PPP2R3C: variants seen among roughly 807,000 people sequenced by gnomAD.
The protein encoded by PPP2R3C is protein phosphatase 2 regulatory subunit B''gamma.
A neutral mutation model predicts 63.7 loss-of-function variants in PPP2R3C; 47 were observed. The ratio of observed to expected loss-of-function variants is 0.74; its 90% CI spans 0.58 to 0.94. PPP2R3C has a LOEUF of 0.94. Among genes scored for constraint, PPP2R3C ranks in the 40% least tolerant of loss-of-function variants. The pLI, the probability that PPP2R3C is intolerant of heterozygous loss-of-function variation, is 0.00. For synonymous variants in PPP2R3C, 180 were observed against 177.4 expected (o/e 1.01, Z -0.12); for missense variants, 421 against 518.4 (o/e 0.81, Z 1.82).
chr14:35,107,672 TTCTGAGGTTA>T, intron 5 of PPP2R3C: 1 of 377,604 alleles, frequency 2.6e-6, no homozygotes, highest in Non-Finnish European at 4.7e-6. Flanking sequence ...CTGCTTTTAT[TTCTGAGGTTA>T]ATTACAGCAA....
chr14:35,092,671 G>A (rs981876087), intron 10 of PPP2R3C, among the ~76,000 whole-genome samples: 4 of 151,688 alleles, frequency 2.6e-5, no homozygotes, highest in Non-Finnish European at 5.9e-5. Context: ...TCTCCAAGTT[G>A]GTCAGGCTGG....
chr14:35,088,447 C>T (rs763449429), intron 11 of PPP2R3C, among the ~76,000 whole-genome samples: 3 of 152,078 alleles, frequency 2.0e-5, no homozygotes, highest in South Asian at 2.1e-4. Flanking sequence ...TTGCTTTCTA[C>T]GTAATACAAG....
Position 35,095,117 on chromosome 14 carries a change from TC to T in PPP2R3C, c.905del (p.Gly302GlufsTer5). 6.2e-7 allele frequency: 1 copy of T among 1,611,414 alleles called. No homozygotes were observed. Among genetic ancestry groups the T allele is most frequent in the Non-Finnish European group, 8.5e-7 (1 of 1,177,496 alleles). ...MLSKEELSRYGTATMTNVFLD... is the reference protein window; with the variant it reads ...MLSKEELSRYXTATMTNVFLD... Reference sequence around the variant, plus strand: ...AGAAGACATTGGTCATGGTAGCTGTTCCATAGCGTGAGAGTTCTTCTTTACT... The same window carrying T: ...AGAAGACATTGGTCATGGTAGCTGTTCATAGCGTGAGAGTTCTTCTTTACT... On this transcript the variant is annotated frameshift_variant, in exon 10 of 13. Transcript: ENST00000261475. LOFTEE classifies it high-confidence loss of function.
intron 11 of PPP2R3C, among the ~76,000 whole-genome samples, chr14:35,088,351 C>T (rs145167078): frequency 5.9e-5 from 9 of 152,286 alleles, no homozygotes; most frequent in African/African-American, 1.7e-4. Context: ...GTTTGATCTG[C>T]TCCTCTCATT....
intron 6 of PPP2R3C, among the ~76,000 whole-genome samples, chr14:35,107,057 A>G (rs9888561): frequency 0.11 from 16,067 of 152,202 alleles, 1,070 homozygotes; most frequent in African/African-American, 0.19. Flanking sequence ...GACATTCTCT[A>G]TTGTAATTTT....
At chr14:35,115,330 G>GT (rs139000164) in intron 2 of PPP2R3C, among the ~76,000 whole-genome samples, 3 of 150,474 alleles carry the variant, frequency 2.0e-5, no homozygotes, top group African/African-American at 7.3e-5. Context: ...GCCCGGCTAA[G>GT]TTTTTTTTGG....
intron 2 of PPP2R3C, 72 bp downstream of exon 2, chr14:35,116,538 A>G: frequency 7.8e-7 from 1 of 1,286,570 alleles, no homozygotes; most frequent in Non-Finnish European, 1.0e-6. Context: ...TACAGGTATG[A>G]GCCACCCTGC....
intron 10 of PPP2R3C, 112 bp downstream of exon 10, chr14:35,094,936 A>G: frequency 1.7e-6 from 2 of 1,188,762 alleles, no homozygotes; most frequent in Non-Finnish European, 2.3e-6. Flanking sequence ...CCTAGGCGAC[A>G]GAGCAAGACT....
intron 6 of PPP2R3C, 51 bp downstream of exon 6, chr14:35,107,253 C>T (rs1243489824): frequency 4.3e-6 from 6 of 1,386,324 alleles, no homozygotes; most frequent in Non-Finnish European, 5.1e-6. Flanking sequence ...CTACAGTTTA[C>T]ATTTTAGTGT....
At chr14:35,099,610 A>C in intron 6 of PPP2R3C, 1 of 435,856 alleles carries the variant, frequency 2.3e-6, no homozygotes, top group Non-Finnish European at 3.7e-6. Flanking sequence ...GGGAACAAAG[A>C]TATTGATTAA....
chr14:35,100,165 A>T (rs1281916782), intron 6 of PPP2R3C: 4 of 152,186 alleles, frequency 2.6e-5, no homozygotes, highest in Non-Finnish European at 4.4e-5. Flanking sequence ...ATAAATAGCT[A>T]TATATTATAT....
In PPP2R3C at chr14:35,110,092, AT is replaced by A; in HGVS notation, c.292-162del. The A allele has an allele frequency of 5.3e-6, 3 of 565,816 alleles. No homozygotes were observed. In the South Asian group the frequency reaches 7.5e-5, roughly 14 times the overall value. The allele number at this position is 565,816 out of a possible 1,614,324, so 35.0% of individuals were successfully genotyped here. A position where few individuals can be genotyped will look rare whatever the true frequency, so the allele number is the denominator to read the frequency against. On this transcript the variant is annotated intron_variant, in intron 3 of 12. Coordinates refer to ENST00000261475, the MANE Select transcript of PPP2R3C (RefSeq NM_017917.4). ...ATCCTTTTGATTACTAACAATAAAA[AT>A]AACATTTATTGAGTGCCTACTAAGC...
chr14:35,098,145 A>G (rs1023975916), intron 7 of PPP2R3C, among the ~76,000 whole-genome samples: 4 of 151,856 alleles, frequency 2.6e-5, no homozygotes, highest in South Asian at 2.1e-4. Context: ...AAACACTGTC[A>G]GCTACCATAT....
In PPP2R3C at chr14:35,109,947, G is replaced by A. The variant is rs1308569823; in HGVS notation, c.292-16C>T. Reference sequence around the variant, plus strand: ...ACCATAAGTTCTTAAGAGAATTGTGGAAGTGAAGATGTTGTAAGTTAAAAA... The same window carrying A: ...ACCATAAGTTCTTAAGAGAATTGTGAAAGTGAAGATGTTGTAAGTTAAAAA... On this transcript the variant is annotated splice_polypyrimidine_tract_variant and intron_variant, in intron 3 of 12. Transcript: ENST00000261475. 1.0e-5 allele frequency: 16 copies of A among 1,529,212 alleles called. No individual in the cohort carries two copies. The highest frequency in any genetic ancestry group is 1.4e-5 in the Non-Finnish European group (16 of 1,115,262). 94.7% of individuals were successfully genotyped at this position (1,529,212 alleles called of 1,614,324 possible).
rs376968701 is a variant in PPP2R3C, at chr14:35,087,977, C to G, written c.1147G>C (p.Asp383His). 5.6e-6 allele frequency: 9 copies of G among 1,599,624 alleles called. No homozygotes were observed. Among genetic ancestry groups the G allele is most frequent in the Non-Finnish European group, 7.7e-6 (9 of 1,166,966 alleles). ...IQELMKIHGQ[D>H]PVSFQDVKDE... ...TTGACATCTTGAAATGAAACAGGAT[C>G]TTGTCCATGGATTTTCATTAGTTCC... Residue 383 changes from aspartate to histidine, a missense_variant, in exon 12 of 13, where the codon GAT becomes CAT. By Grantham distance (81) the Asp-to-His change is moderately conservative (BLOSUM62 -1). Transcript: ENST00000261475.
intron 7 of PPP2R3C, among the ~76,000 whole-genome samples, chr14:35,097,421 A>G (rs2046033820): frequency 6.6e-6 from 1 of 151,962 alleles, no homozygotes; most frequent in Non-Finnish European, 1.5e-5. Context: ...TGGACTAGAA[A>G]GCAATACGCA....
chr14:35,112,728 C>CT (rs2046602874), intron 2 of PPP2R3C: 1 of 152,188 alleles, frequency 6.6e-6, no homozygotes, highest in South Asian at 2.1e-4. Context: ...TCAACACAGA[C>CT]TTTAAGTCTA....
At chr14:35,090,306 A>C (rs1179204886) in intron 11 of PPP2R3C, among the ~76,000 whole-genome samples, 2 of 136,206 alleles carry the variant, frequency 1.5e-5, no homozygotes, top group African/African-American at 2.8e-5. Context: ...CAGTGACGCG[A>C]TTTCAGCTCA....
chr14:35,119,460 C>G lies in PPP2R3C; in HGVS notation c.58+2442G>C, dbSNP rs183486274. 4.6e-5 allele frequency among the ~76,000 whole-genome samples: 7 copies of G among 152,220 alleles called. No individual in the cohort carries two copies. The East Asian group carries it at 1.3e-3, about 29-fold the overall frequency. On this transcript the variant is annotated intron_variant, in intron 1 of 12. Transcript: ENST00000261475. ...GAAACAACCCTCCCTGCTTCAGCCT[C>G]TCGAGTAGCTAGGACTACAGTGGTG...
Sources: gnomAD v4.1 joint callset for allele counts (sites outside exome capture counted in the v4.1 genomes callset) on GRCh38, gnomAD v4.1.1 for gene constraint, MANE v1.5 for transcripts, NCBI Gene and HGNC (gene_info 2026-07-23, HGNC 2026-07-21) for gene names.